The following LYPD6B variants were observed in gnomAD, a reference collection of about 807,000 sequenced individuals.
LYPD6B encodes ly6/PLAUR domain-containing protein 6B.
LYPD6B carries 17 observed loss-of-function variants against 22.8 expected under a neutral mutation model. The ratio of observed to expected loss-of-function variants is 0.75; its 90% CI spans 0.51 to 1.12. LYPD6B has a LOEUF of 1.12. Ranked by LOEUF, LYPD6B falls within the 50% of genes most tolerant of loss-of-function variation. The pLI is 0.00. For synonymous variants in LYPD6B, 106 were observed against 91.6 expected, an observed-to-expected ratio of 1.16 and a Z score of -0.90; for missense variants, 221 against 258.3, an observed-to-expected ratio of 0.86 and a Z score of 0.99.
At chr2:149,168,278 G>A (rs950561178) in intron 3 of LYPD6B, among the ~76,000 whole-genome samples, 1 of 151,680 alleles carries the variant, frequency 6.6e-6, no homozygotes, top group Non-Finnish European at 1.5e-5. Flanking sequence ...AGAGGAGCTG[G>A]GGATGGTGCT....
At chr2:149,157,161 T>C (rs1689757687) in intron 2 of LYPD6B, among the ~76,000 whole-genome samples, 1 of 152,202 alleles carries the variant, frequency 6.6e-6, no homozygotes, top group South Asian at 2.1e-4. Flanking sequence ...ATCCTTTGTA[T>C]TAGCATCCTA....
chr2:149,124,919 G>A (rs546797695), intron 1 of LYPD6B, among the ~76,000 whole-genome samples: 30 of 152,266 alleles, frequency 2.0e-4, no homozygotes, highest in African/African-American at 7.0e-4. Context: ...GCTTCTGTAG[G>A]TCATTTTCCT....
At chr2:149,154,146 T>G in intron 2 of LYPD6B, 1 of 294,970 alleles carries the variant, frequency 3.4e-6, no homozygotes. Context: ...AAAATCCAAG[T>G]TCCAACCCCT....
intron 2 of LYPD6B, among the ~76,000 whole-genome samples, chr2:149,142,704 A>G (rs1688766268): frequency 6.6e-6 from 1 of 151,872 alleles, no homozygotes; most frequent in African/African-American, 2.4e-5. Flanking sequence ...GGGTCTCACT[A>G]TTTTGCCCAG....
At chr2:149,184,837 C>T (rs1691984468) in intron 3 of LYPD6B, among the ~76,000 whole-genome samples, 1 of 152,198 alleles carries the variant, frequency 6.6e-6, no homozygotes, top group Admixed American at 6.5e-5. Context: ...TTAGAACACT[C>T]CTAAGTCTCT....
At chr2:149,185,407 T>A (rs1692029979) in intron 3 of LYPD6B, among the ~76,000 whole-genome samples, 1 of 152,188 alleles carries the variant, frequency 6.6e-6, no homozygotes. Context: ...TTAGAGCGAC[T>A]CCCTGAGCTG....
chr2:149,181,170 G>A (rs1691690202), intron 3 of LYPD6B, among the ~76,000 whole-genome samples: 1 of 152,118 alleles, frequency 6.6e-6, no homozygotes, highest in East Asian at 1.9e-4. Flanking sequence ...CAGGGTTGTG[G>A]GGCCCCCATC....
intron 1 of LYPD6B, among the ~76,000 whole-genome samples, chr2:149,063,000 C>T (rs890926768): frequency 6.6e-6 from 1 of 151,814 alleles, no homozygotes; most frequent in Non-Finnish European, 1.5e-5. Flanking sequence ...CCAAGTCCCT[C>T]CTTCCCTTTC....
At chr2:149,182,687 A>G (rs919136683) in intron 3 of LYPD6B, among the ~76,000 whole-genome samples, 1 of 152,216 alleles carries the variant, frequency 6.6e-6, no homozygotes, top group Non-Finnish European at 1.5e-5. Flanking sequence ...CTCACAACCA[A>G]CAAGGAGAAA....
intron 1 of LYPD6B, among the ~76,000 whole-genome samples, chr2:149,058,962 G>A (rs529521461): frequency 2.0e-5 from 3 of 152,180 alleles, no homozygotes; most frequent in Admixed American, 6.5e-5. Flanking sequence ...TTTATGCTTC[G>A]TGATTGAGAT....
chr2:149,059,955 G>T (rs1287961801), intron 1 of LYPD6B, among the ~76,000 whole-genome samples: 4 of 152,158 alleles, frequency 2.6e-5, no homozygotes, highest in Non-Finnish European at 5.9e-5. Flanking sequence ...GTGTGAGGGA[G>T]TTGGTGGATT....
chr2:149,142,121 A>G (rs1688730711), intron 2 of LYPD6B: 2 of 152,250 alleles, frequency 1.3e-5, no homozygotes. Flanking sequence ...CTTTTAAAAA[A>G]TACTGGTGTT....
At chr2:149,064,290 G>A (rs748612699) in intron 1 of LYPD6B, among the ~76,000 whole-genome samples, 1 of 152,170 alleles carries the variant, frequency 6.6e-6, no homozygotes, top group Non-Finnish European at 1.5e-5. Context: ...CATGATTAGA[G>A]TTATGGTTAT....
chr2:149,068,177 C>T (rs57291370), intron 1 of LYPD6B, among the ~76,000 whole-genome samples: 1,605 of 152,240 alleles, frequency 0.011, 33 homozygotes, highest in African/African-American at 0.036. Context: ...TGAGGTAGGG[C>T]AGGAGAAGTC....
At chr2:149,147,486 GGTTT>G (rs1222778483) in intron 2 of LYPD6B, among the ~76,000 whole-genome samples, 4 of 151,994 alleles carry the variant, frequency 2.6e-5, no homozygotes, top group Non-Finnish European at 2.9e-5. Flanking sequence ...TTTGTTTGAG[GGTTT>G]GTTTGTTTTT....
chr2:149,067,468 A>G (rs1684387651), intron 1 of LYPD6B, among the ~76,000 whole-genome samples: 1 of 152,100 alleles, frequency 6.6e-6, no homozygotes, highest in Non-Finnish European at 1.5e-5. Flanking sequence ...GTGAAAAGTA[A>G]AAAGCAATTT....
At chr2:149,133,899 T>C (rs943327179) in intron 2 of LYPD6B, among the ~76,000 whole-genome samples, 2 of 152,182 alleles carry the variant, frequency 1.3e-5, no homozygotes, top group African/African-American at 4.8e-5. Flanking sequence ...GAACAAGCCA[T>C]GGTTCCTGTT....
intron 1 of LYPD6B, among the ~76,000 whole-genome samples, chr2:149,043,108 A>G (rs1041799558): frequency 5.3e-5 from 8 of 152,236 alleles, no homozygotes; most frequent in Non-Finnish European, 1.0e-4. Context: ...AGGGAAAGGA[A>G]GAAATACGGT....
Position 149,197,042 on chromosome 2 carries a change from A to C in LYPD6B, c.78-8211A>C, listed in dbSNP as rs927789469. On this transcript the variant is annotated intron_variant, in intron 3 of 6. Coordinates refer to ENST00000409642, the MANE Select transcript of LYPD6B (RefSeq NM_177964.5). ...AGAGCTTTGATTGGTTATTAAAAGAAATGAGTTCAATAAAGAGAGCAGCTC... is the reference window on the plus strand; with the variant it reads ...AGAGCTTTGATTGGTTATTAAAAGACATGAGTTCAATAAAGAGAGCAGCTC... 1.3e-5 allele frequency among the ~76,000 whole-genome samples: 2 copies of C among 152,210 alleles called. 1 individual carries two copies. The highest frequency in any genetic ancestry group is 6.3e-3 in the Middle Eastern group (2 of 316).
Sources: allele counts gnomAD v4.1 joint callset (sites outside exome capture counted in the v4.1 genomes callset), GRCh38; gene constraint gnomAD v4.1.1; transcripts MANE v1.5; gene names NCBI Gene and HGNC (gene_info 2026-07-23, HGNC 2026-07-21).